Variants in UACA observed in about 807,000 individuals in gnomAD.
The protein encoded by UACA is uveal autoantigen with coiled-coil domains and ankyrin repeats, also known as nuclear membrane binding protein.
A neutral mutation model predicts 160.5 loss-of-function variants in UACA; 112 were observed. The ratio of observed to expected loss-of-function variants is 0.70; its 90% CI spans 0.60 to 0.82. The LOEUF (loss-of-function observed/expected upper bound fraction) is 0.82, where lower values mean the gene tolerates loss of function less well. Among genes scored for constraint, UACA ranks in the 40% least tolerant of loss-of-function variants. The pLI, the probability that UACA is intolerant of heterozygous loss-of-function variation, is 0.00. For synonymous variants in UACA, 557 were observed against 568.4 expected (o/e 0.98, Z 0.29); for missense variants, 1,574 against 1,614.6 (o/e 0.97, Z 0.43).
intron 1 of UACA, among the ~76,000 whole-genome samples, chr15:70,724,646 G>C (rs1312860849): frequency 2.0e-5 from 3 of 152,002 alleles, no homozygotes; most frequent in Non-Finnish European, 4.4e-5. Flanking sequence ...TTCCTTGGAA[G>C]GTATGCACTG....
At chr15:70,773,532 A>G in the UACA span, among the ~76,000 whole-genome samples, 1 of 152,196 alleles carries the variant, frequency 6.6e-6, no homozygotes, top group Non-Finnish European at 1.5e-5. Context: ...TGTAGGAGTT[A>G]AGTCTTTGAG....
intron 5 of UACA, among the ~76,000 whole-genome samples, chr15:70,688,138 T>C (rs907872949): frequency 2.0e-5 from 3 of 152,158 alleles, no homozygotes; most frequent in Admixed American, 6.6e-5. Context: ...TTTTTAAACA[T>C]GGCTATAACT....
chr15:70,756,783 G>T (rs949396559), intron 1 of UACA, among the ~76,000 whole-genome samples: 7 of 152,168 alleles, frequency 4.6e-5, no homozygotes, highest in Admixed American at 1.3e-4. Flanking sequence ...TGAGCCAGGA[G>T]AATCACTTGA....
chr15:70,699,424 T>C, intron 2 of UACA, 103 bp downstream of exon 2: 1 of 1,360,808 alleles, frequency 7.3e-7, no homozygotes, highest in Non-Finnish European at 1.0e-6. Flanking sequence ...TTTGGCAGAA[T>C]TTCTTAATAA....
intron 1 of UACA, among the ~76,000 whole-genome samples, chr15:70,744,805 T>C (rs1329480050): frequency 1.3e-5 from 2 of 148,812 alleles, no homozygotes; most frequent in African/African-American, 5.2e-5. Context: ...TCCCAAGACT[T>C]GTTCTCAGCA....
intron 1 of UACA, among the ~76,000 whole-genome samples, chr15:70,715,033 T>C (rs1304490376): frequency 6.6e-6 from 1 of 152,214 alleles, no homozygotes; most frequent in Non-Finnish European, 1.5e-5. Context: ...CTGGATAAGA[T>C]TTTGTTTAAT....
the UACA span, among the ~76,000 whole-genome samples, chr15:70,770,791 G>C: frequency 6.6e-6 from 1 of 152,134 alleles, no homozygotes; most frequent in Admixed American, 6.5e-5. Context: ...CTGAGACATT[G>C]AGCTCTAAGA....
Position 70,666,733 on chromosome 15 carries a change from T to C in UACA, c.3951A>G (p.Lys1317=). The C allele has an allele frequency of 6.2e-7, 1 of 1,604,054 alleles. No homozygotes were observed. Among genetic ancestry groups the C allele is most frequent in the Non-Finnish European group, 8.5e-7 (1 of 1,176,606 alleles). Residue 1317 remains lysine, a synonymous_variant, in exon 16 of 19, where the codon AAA becomes AAG. Coordinates refer to ENST00000322954, the MANE Select transcript of UACA (RefSeq NM_018003.4). ...ACTACTTTGTACCTACCTTATTATCTTTTGCTTCTATTTGTTTAGCAGATT... is the reference window on the plus strand; with the variant it reads ...ACTACTTTGTACCTACCTTATTATCCTTTGCTTCTATTTGTTTAGCAGATT... ...IQESAKQIEA[K]DNKITELLND...
intron 1 of UACA, among the ~76,000 whole-genome samples, chr15:70,714,799 A>G (rs1898779005): frequency 6.6e-6 from 1 of 152,186 alleles, no homozygotes; most frequent in Non-Finnish European, 1.5e-5. Context: ...TCCCTAATGC[A>G]GGTATTTGTT....
At chr15:70,675,186 T>G (rs1043641786) in intron 13 of UACA, among the ~76,000 whole-genome samples, 1 of 152,168 alleles carries the variant, frequency 6.6e-6, no homozygotes, top group Non-Finnish European at 1.5e-5. Flanking sequence ...ACAATAAAAC[T>G]TATCACATAG....
chr15:70,776,874 G>A, the UACA span, among the ~76,000 whole-genome samples: 1 of 152,060 alleles, frequency 6.6e-6, no homozygotes, highest in Non-Finnish European at 1.5e-5. Flanking sequence ...GTATCAAAAA[G>A]TTATAAGTGC....
Position 70,656,595 on chromosome 15 carries a change from GCCAGCCAAGTTACAA to G in UACA, c.*446_*460del, listed in dbSNP as rs1896480672. ...TAAAGATACTGTAACATGTAACTTG[GCCAGCCAAGTTACAA>G]CACATTCCTCACAACTGTATTATGT... On this transcript the variant is annotated 3_prime_UTR_variant, in exon 19 of 19. Transcript: ENST00000322954. The G allele has an allele frequency of 6.6e-6, 1 of 152,602 alleles. No individual in the cohort carries two copies. The highest frequency in any genetic ancestry group is 1.5e-5 in the Non-Finnish European group (1 of 68,362). 9.5% of individuals were successfully genotyped at this position (152,602 alleles called of 1,614,324 possible).
chr15:70,661,207 T>C (rs1896695123), intron 17 of UACA: 1 of 152,228 alleles, frequency 6.6e-6, no homozygotes, highest in South Asian at 2.1e-4. Flanking sequence ...CTCCCTTCTT[T>C]AAAAACTAGC....
chr15:70,688,140 G>A (rs549105320), intron 5 of UACA, among the ~76,000 whole-genome samples: 2 of 152,096 alleles, frequency 1.3e-5, no homozygotes, highest in Non-Finnish European at 2.9e-5. Context: ...TTTAAACATG[G>A]CTATAACTGA....
intron 1 of UACA, among the ~76,000 whole-genome samples, chr15:70,757,663 T>A (rs906802756): frequency 6.6e-6 from 1 of 152,242 alleles, no homozygotes; most frequent in Non-Finnish European, 1.5e-5. Context: ...CTTGAAAGAA[T>A]GCATCACTTT....
chr15:70,775,909 A>G, the UACA span, among the ~76,000 whole-genome samples: 1 of 152,224 alleles, frequency 6.6e-6, no homozygotes. Context: ...CAAAGGATTC[A>G]TTGACCTAAT....
At chr15:70,773,233 G>A in the UACA span, among the ~76,000 whole-genome samples, 2,255 of 152,276 alleles carry the variant, frequency 0.015, 57 homozygotes, top group African/African-American at 0.051. Context: ...CACAGAGACA[G>A]AGGAGCGACC....
rs548707289 is a variant in UACA at position 70,679,943 on chromosome 15, G to A, written c.823-267C>T. On this transcript the variant is annotated intron_variant, in intron 9 of 18. Transcript: ENST00000322954. ...TTATTAAGGATTTATTTTAACTAAA[G>A]TCACAAAATTTTAAAAAGAATTTGT... 2.3e-5 allele frequency: 4 copies of A among 177,356 alleles called. No individual in the cohort carries two copies. In the East Asian group the frequency reaches 5.3e-4, roughly 23 times the overall value. The allele number at this position is 177,356 out of a possible 1,614,324, so 11.0% of individuals were successfully genotyped here.
At chr15:70,722,509 G>A (rs997473054) in intron 1 of UACA, among the ~76,000 whole-genome samples, 1 of 152,168 alleles carries the variant, frequency 6.6e-6, no homozygotes, top group African/African-American at 2.4e-5. Context: ...GTAAAGAAGA[G>A]GTCTTGCTAT....
Sources: gnomAD v4.1 joint callset for allele counts (sites outside exome capture counted in the v4.1 genomes callset) on GRCh38, gnomAD v4.1.1 for gene constraint, MANE v1.5 for transcripts, NCBI Gene and HGNC (gene_info 2026-07-23, HGNC 2026-07-21) for gene names.